ARMCX4: variants seen among roughly 807,000 people sequenced by gnomAD.
ARMCX4 encodes the protein armadillo repeat-containing X-linked protein 4.
A neutral mutation model predicts 34.7 loss-of-function variants in ARMCX4; 3 were observed. The ratio of observed to expected loss-of-function variants is 0.09; its 90% CI spans 0.04 to 0.22. The LOEUF is 0.22. ARMCX4 is among the 10% of genes least tolerant of loss of function. ARMCX4 has a pLI of 1.00. For missense variants in ARMCX4, 1,448 were observed against 1,720.8 expected (o/e 0.84, Z 2.81); for synonymous variants, 513 against 632.8 (o/e 0.81, Z 2.84).
chrX:101,490,507 G>T lies in ARMCX4; in HGVS notation c.1918G>T (p.Ala640Ser). The T allele has an allele frequency of 6.1e-6, 7 of 1,156,089 alleles. No individual in the cohort carries two copies. Among genetic ancestry groups the T allele is most frequent in the Non-Finnish European group, 8.0e-6 (7 of 872,922 alleles). Residue 640 changes from alanine to serine, a missense_variant, in exon 6 of 6, where the codon GCC (alanine) becomes TCC (serine). By Grantham distance (99) the Ala-to-Ser change is moderately conservative (BLOSUM62 1). Around this residue, in one of 2 missense-constraint regions of ARMCX4, gnomAD observed 1,343 missense variants for 1,540.7 expected, o/e 0.87. Transcript: ENST00000423738. Reference protein sequence around the residue: ...PEAVVSFQGEALLGTKNKVKG... With the variant: ...PEAVVSFQGESLLGTKNKVKG... ...GGCAGTGGTCAGTTTCCAGGGTGAGGCCTTGCTTGGCACCAAGAATAAAGT... is the reference window on the plus strand; with the variant it reads ...GGCAGTGGTCAGTTTCCAGGGTGAGTCCTTGCTTGGCACCAAGAATAAAGT...
intron 11 of ARMCX4, among the ~76,000 whole-genome samples, chrX:101,512,830 ATATATATATGTG>A (rs1195886085): frequency 1.2e-4 from 11 of 88,759 alleles, no homozygotes; most frequent in Non-Finnish European, 2.1e-4. Flanking sequence ...ATATATACAC[ATATATATATGTG>A]TATATATGTG....
chrX:101,526,138 G>A (rs1556020394), intron 11 of ARMCX4, among the ~76,000 whole-genome samples: 1 of 112,089 alleles, frequency 8.9e-6, no homozygotes, highest in Admixed American at 9.4e-5. Context: ...GGATCTCTCA[G>A]CAGAAATTCT....
At chrX:101,520,032 T>C (rs111539770) in intron 11 of ARMCX4, among the ~76,000 whole-genome samples, 2 of 111,850 alleles carry the variant, frequency 1.8e-5, no homozygotes, top group African/African-American at 3.2e-5. Flanking sequence ...TTTTCTCCTA[T>C]TGAGTTTTAG....
Position 101,492,205 on chromosome X carries a change from A to G in ARMCX4, c.3616A>G (p.Lys1206Glu). 8.8e-7 allele frequency: 1 copy of G among 1,140,128 alleles called. No individual in the cohort carries two copies. 94.0% of individuals were successfully genotyped at this position (1,140,128 alleles called of 1,213,427 possible). A position where few individuals can be genotyped will look rare whatever the true frequency, so the allele number is the denominator to read the frequency against. Residue 1206 changes from lysine (K) to glutamate (E), a missense_variant, in exon 6 of 6, where the codon AAG (lysine) becomes GAG (glutamate). Lys to Glu is a moderately conservative substitution (Grantham distance 56). This residue lies in a region of ARMCX4 where 1,343 missense variants were observed against 1,540.7 expected (regional missense o/e 0.87). Coordinates refer to ENST00000423738, the MANE Select transcript of ARMCX4 (RefSeq NM_001256155.3). Reference sequence around the variant, plus strand: ...TAGTGAGGGGACCTGGGCTGGGGACAAGGCCAGTGGAGGAGCCTGGACTGG... The same window carrying G: ...TAGTGAGGGGACCTGGGCTGGGGACGAGGCCAGTGGAGGAGCCTGGACTGG... ...QTSEGTWAGD[K>E]ASGGAWTGAE... is the part of the protein sequence containing the mutation.
intron 4 of ARMCX4, among the ~76,000 whole-genome samples, chrX:101,475,410 A>G (rs1933140645): frequency 9.0e-6 from 1 of 111,704 alleles, no homozygotes; most frequent in Admixed American, 9.6e-5. Context: ...AATAGAATGC[A>G]TAACCTCCAA....
At chrX:101,431,726 A>G (rs1157292481) in intron 2 of ARMCX4, among the ~76,000 whole-genome samples, 8 of 110,562 alleles carry the variant, frequency 7.2e-5, no homozygotes, top group Non-Finnish European at 1.1e-4. Flanking sequence ...TGTATTTTTA[A>G]TAGAGATGGG....
chrX:101,486,934 A>G (rs1231713658), intron 2 of ARMCX4, among the ~76,000 whole-genome samples: 2 of 107,001 alleles, frequency 1.9e-5, no homozygotes, highest in Non-Finnish European at 3.8e-5. Flanking sequence ...CTCAAAATAA[A>G]TAAAAAATAA....
At chrX:101,460,513 A>G (rs182110230) in intron 4 of ARMCX4, among the ~76,000 whole-genome samples, 3 of 112,192 alleles carry the variant, frequency 2.7e-5, no homozygotes, top group Admixed American at 1.9e-4. Context: ...CTTACTTAGT[A>G]GTGAAACCTG....
chrX:101,433,641 G>T (rs1930467907), intron 2 of ARMCX4, among the ~76,000 whole-genome samples: 1 of 111,769 alleles, frequency 8.9e-6, no homozygotes, highest in South Asian at 3.6e-4. Context: ...ATGAATCCCA[G>T]TGCTTGGCAC....
chrX:101,498,232 A>G (rs1436840814), downstream of ARMCX4: 2 of 324,948 alleles, frequency 6.2e-6, no homozygotes, highest in Non-Finnish European at 1.2e-5. Flanking sequence ...AACCTGCAAC[A>G]GTTGGTACAA....
intron 4 of ARMCX4, among the ~76,000 whole-genome samples, chrX:101,477,975 G>A (rs781828404): frequency 8.9e-6 from 1 of 111,868 alleles, no homozygotes; most frequent in Admixed American, 9.5e-5. Flanking sequence ...AGGAATAGAA[G>A]TTTCCTTAAC....
At chrX:101,433,875 G>C (rs1930488605) in intron 2 of ARMCX4, among the ~76,000 whole-genome samples, 1 of 111,131 alleles carries the variant, frequency 9.0e-6, no homozygotes, top group Non-Finnish European at 1.9e-5. Context: ...AACCACCTCA[G>C]AAAACATTTT....
intron 2 of ARMCX4, among the ~76,000 whole-genome samples, chrX:101,438,699 G>T (rs1179415987): frequency 8.9e-6 from 1 of 111,844 alleles, no homozygotes; most frequent in African/African-American, 3.3e-5. Context: ...TCTTCTTGTT[G>T]AATTGATACC....
At chrX:101,504,309 C>T (rs782255505) in intron 7 of ARMCX4, among the ~76,000 whole-genome samples, 262 of 110,810 alleles carry the variant, frequency 2.4e-3, no homozygotes, top group African/African-American at 7.4e-3. Flanking sequence ...AGTAGTTTTT[C>T]CCAATTCTGT....
chrX:101,507,767 C>T (rs571282223), intron 8 of ARMCX4, among the ~76,000 whole-genome samples: 161 of 111,723 alleles, frequency 1.4e-3, no homozygotes, highest in Middle Eastern at 0.014. Flanking sequence ...ATATAAAATT[C>T]TAGGTTTAGG....
intron 4 of ARMCX4, among the ~76,000 whole-genome samples, chrX:101,458,271 G>T (rs921053206): frequency 9.0e-6 from 1 of 110,774 alleles, no homozygotes; most frequent in African/African-American, 3.3e-5. Context: ...TTTCAAGTTG[G>T]CTCCTGAATG....
intron 4 of ARMCX4, among the ~76,000 whole-genome samples, chrX:101,480,123 G>GAC (rs57237822): frequency 0.068 from 5,176 of 76,505 alleles, 172 homozygotes; most frequent in Non-Finnish European, 0.09. Context: ...AGGATTTGGA[G>GAC]ACACACACAC....
intron 11 of ARMCX4, among the ~76,000 whole-genome samples, chrX:101,518,266 G>T (rs1311103407): frequency 9.0e-6 from 1 of 111,392 alleles, no homozygotes; most frequent in Non-Finnish European, 1.9e-5. Flanking sequence ...AAAAAATAGA[G>T]AAATAAAACT....
Position 101,422,127 on chromosome X carries a change from T to G in ARMCX4, n.164+3127T>G, listed in dbSNP as rs1280895621. On this transcript the variant is annotated intron_variant and non_coding_transcript_variant, in intron 2 of 3. Coordinates refer to the ARMCX4 transcript ENST00000430461. ...GCCTCCCGGGTTCAAGCGATTCTCC[T>G]GCCTCAGCCTCCCGAGTAGCTGGGA... Among the ~76,000 whole-genome samples, 3 of 107,933 alleles carry G rather than the reference T, an allele frequency of 2.8e-5. No homozygotes were observed. The East Asian group carries it at 8.7e-4, about 31-fold the overall frequency. The allele number at this position is 107,933 out of a possible 115,157, so 93.7% of individuals were successfully genotyped here.
Sources: gnomAD v4.1 joint callset for allele counts (sites outside exome capture counted in the v4.1 genomes callset) on GRCh38, gnomAD v4.1.1 for gene constraint, gnomAD v4.1.1 regional missense constraint, MANE v1.5 for transcripts, NCBI Gene and HGNC (gene_info 2026-07-23, HGNC 2026-07-21) for gene names.